PRKG1: variants seen among roughly 807,000 people sequenced by gnomAD.
PRKG1 encodes the protein cGMP-dependent protein kinase 1.
PRKG1 carries 35 observed loss-of-function variants against 88.1 expected under a neutral mutation model. That is an observed-to-expected ratio of 0.40 (90% CI 0.30 to 0.53). The LOEUF (loss-of-function observed/expected upper bound fraction) is 0.53. PRKG1 is among the 20% of genes least tolerant of loss of function. The probability of loss-of-function intolerance (pLI) is 0.59; values close to 1 mark genes in which losing one functional copy is unlikely to be tolerated. For missense variants in PRKG1, 540 were observed against 839.8 expected (o/e 0.64, Z 4.41); for synonymous variants, 303 against 292.5 (o/e 1.04, Z -0.37).
At chr10:52,180,395 C>A (rs1228312592) in intron 9 of PRKG1, among the ~76,000 whole-genome samples, 1 of 152,116 alleles carries the variant, frequency 6.6e-6, no homozygotes, top group Non-Finnish European at 1.5e-5. Context: ...TTGGATTTTT[C>A]TTTGGACATT....
chr10:52,229,325 T>G (rs999188817), intron 9 of PRKG1, among the ~76,000 whole-genome samples: 4 of 152,180 alleles, frequency 2.6e-5, no homozygotes, highest in African/African-American at 9.7e-5. Flanking sequence ...ACTTACAAAT[T>G]TCTGGTCAGC....
intron 3 of PRKG1, among the ~76,000 whole-genome samples, chr10:51,782,976 C>T (rs989147214): frequency 2.6e-5 from 4 of 151,976 alleles, no homozygotes; most frequent in East Asian, 1.9e-4. Context: ...ACGCCTGTGC[C>T]GTATTGCTTC....
intron 4 of PRKG1, among the ~76,000 whole-genome samples, chr10:51,905,893 C>T (rs531182335): frequency 1.3e-5 from 2 of 152,132 alleles, no homozygotes; most frequent in Admixed American, 1.3e-4. Flanking sequence ...GCTGAAAATA[C>T]AGGGGGTTGA....
intron 7 of PRKG1, chr10:52,125,763 A>G (rs1389427254): frequency 1.3e-5 from 2 of 152,240 alleles, no homozygotes; most frequent in African/African-American, 4.8e-5. Flanking sequence ...CATAGATCTT[A>G]GCAACCTCAC....
intron 9 of PRKG1, among the ~76,000 whole-genome samples, chr10:52,237,544 A>T (rs992528594): frequency 7.3e-6 from 1 of 137,800 alleles, no homozygotes; most frequent in African/African-American, 2.9e-5. Context: ...CAGAGAGCCA[A>T]ATCATGAGTG....
chr10:52,280,611 A>T (rs1841983152), intron 12 of PRKG1, among the ~76,000 whole-genome samples, 178 bp from the exon 13 acceptor site: 1 of 152,046 alleles, frequency 6.6e-6, no homozygotes, highest in Non-Finnish European at 1.5e-5. Context: ...CCTTAACTTG[A>T]TCCTTGAATG....
chr10:51,218,534 A>ATGTG (rs1212354709), intron 2 of PRKG1, among the ~76,000 whole-genome samples: 2 of 94,654 alleles, frequency 2.1e-5, no homozygotes, highest in Non-Finnish European at 4.4e-5. Context: ...TATATATAAA[A>ATGTG]TGTGTGTATT....
At chr10:51,182,164 G>C (rs1217556045) in intron 2 of PRKG1, among the ~76,000 whole-genome samples, 5 of 152,118 alleles carry the variant, frequency 3.3e-5, no homozygotes, top group African/African-American at 1.2e-4. Flanking sequence ...ACACAAAAGT[G>C]CTTCTCTTTT....
At chr10:51,060,218 A>G (rs909538506) in intron 1 of PRKG1, among the ~76,000 whole-genome samples, 6 of 151,966 alleles carry the variant, frequency 3.9e-5, no homozygotes, top group Non-Finnish European at 7.4e-5. Flanking sequence ...TGTAAAATAT[A>G]TATAGTTTTT....
intron 12 of PRKG1, among the ~76,000 whole-genome samples, chr10:52,273,264 A>G (rs117499127): frequency 2.6e-4 from 39 of 151,894 alleles, no homozygotes; most frequent in Non-Finnish European, 5.2e-4. Flanking sequence ...ACACACTTTT[A>G]TTTTCCTATG....
rs538803659 is a variant in PRKG1, at chr10:52,045,472, A to G, written c.763-9012A>G. Among the ~76,000 whole-genome samples, 2 of 152,246 alleles carry G rather than the reference A, an allele frequency of 1.3e-5. 1 individual carries two copies. Among genetic ancestry groups the G allele is most frequent in the South Asian group, 4.1e-4 (2 of 4,822 alleles). On this transcript the variant is annotated intron_variant, in intron 5 of 17. Transcript: ENST00000373980. ...TCAAGGTGAAGTAGTTTGAGAAACA[A>G]TGTTACAGGTAAGTGAGGAATGTTT... is the stretch of plus-strand genomic sequence containing the variant.
At chr10:51,985,192 C>T (rs1225281230) in intron 5 of PRKG1, among the ~76,000 whole-genome samples, 1 of 152,102 alleles carries the variant, frequency 6.6e-6, no homozygotes, top group East Asian at 1.9e-4. Context: ...CTAAATTAGT[C>T]AAAACTCTTA....
chr10:51,339,463 T>C (rs1302180045), intron 2 of PRKG1, among the ~76,000 whole-genome samples: 2 of 152,010 alleles, frequency 1.3e-5, no homozygotes, highest in Non-Finnish European at 2.9e-5. Flanking sequence ...CCAGCTTTTT[T>C]CCTGACTTTA....
intron 5 of PRKG1, among the ~76,000 whole-genome samples, chr10:52,051,589 A>G (rs1174138535): frequency 6.6e-6 from 1 of 152,244 alleles, no homozygotes; most frequent in Non-Finnish European, 1.5e-5. Context: ...GAGGCAAAAC[A>G]TTACCATTAT....
intron 2 of PRKG1, among the ~76,000 whole-genome samples, chr10:51,363,190 C>T (rs1842519770): frequency 6.7e-6 from 1 of 150,148 alleles, no homozygotes; most frequent in Non-Finnish European, 1.5e-5. Context: ...AAAATAAAGT[C>T]TTCCAGAGGG....
At chr10:52,123,508 G>A (rs1473007530) in intron 7 of PRKG1, among the ~76,000 whole-genome samples, 1 of 152,146 alleles carries the variant, frequency 6.6e-6, no homozygotes, top group African/African-American at 2.4e-5. Context: ...TTTATCATAA[G>A]TTGATATATA....
intron 3 of PRKG1, among the ~76,000 whole-genome samples, chr10:51,699,871 G>A (rs1229854907): frequency 6.6e-6 from 1 of 152,212 alleles, no homozygotes; most frequent in Non-Finnish European, 1.5e-5. Context: ...CCACAGTAAA[G>A]ATGGCCGCAT....
chr10:51,017,827 T>A (rs1191830089), intron 1 of PRKG1, among the ~76,000 whole-genome samples: 3 of 151,878 alleles, frequency 2.0e-5, no homozygotes, highest in African/African-American at 7.3e-5. Context: ...TGATACAGGG[T>A]CTTGCTTTGT....
chr10:51,325,980 A>C (rs1841583621), intron 2 of PRKG1, among the ~76,000 whole-genome samples: 1 of 152,160 alleles, frequency 6.6e-6, no homozygotes, highest in South Asian at 2.1e-4. Flanking sequence ...CTGTTTTCTG[A>C]GTACTGACTT....
Sources: gnomAD v4.1 joint callset for allele counts (sites outside exome capture counted in the v4.1 genomes callset) on GRCh38, gnomAD v4.1.1 for gene constraint, MANE v1.5 for transcripts, NCBI Gene and HGNC (gene_info 2026-07-23, HGNC 2026-07-21) for gene names.